The following LDLRAP1 variants were observed in gnomAD, a reference collection of about 807,000 sequenced individuals.
LDLRAP1 encodes the protein low density lipoprotein receptor adaptor protein 1.
A neutral mutation model predicts 37.8 loss-of-function variants in LDLRAP1; 30 were observed. The observed-to-expected ratio is 0.79, with a 90% CI of 0.59 to 1.08. LDLRAP1 has a LOEUF of 1.08. LDLRAP1 is among the 50% of genes least tolerant of loss of function. The pLI is 0.00. For synonymous variants in LDLRAP1, 156 were observed against 169.8 expected, an observed-to-expected ratio of 0.92 and a Z score of 0.63; for missense variants, 375 against 401.6, an observed-to-expected ratio of 0.93 and a Z score of 0.57.
chr1:25,554,188 C>T lies in LDLRAP1; in HGVS notation c.231+124C>T. On this transcript the variant is annotated intron_variant, in intron 2 of 8. Coordinates refer to ENST00000374338, the MANE Select transcript of LDLRAP1 (RefSeq NM_015627.3). The surrounding 1 kb of genome is among the most constrained non-coding windows in gnomAD (Gnocchi z 5.4). ...TCTGAGCCTGGCCCTGCCCTTCATT[C>T]TCCTTCCATCCAGCTTTTGGGCCTT... 1 of 1,223,744 alleles carries T rather than the reference C, an allele frequency of 8.2e-7. No homozygotes were observed. The allele number at this position is 1,223,744 out of a possible 1,614,324, so 75.8% of individuals were successfully genotyped here. A position where few individuals can be genotyped will look rare whatever the true frequency, so the allele number is the denominator to read the frequency against.
At chr1:25,573,509 A>G (rs1488385366), downstream of LDLRAP1, among the ~76,000 whole-genome samples, 7 of 152,274 alleles carry the variant, frequency 4.6e-5, no homozygotes, top group East Asian at 1.4e-3. Context: ...GTTTGCAGGC[A>G]TCAGCCCTTG....
chr1:25,589,550 G>A, the LDLRAP1 span, among the ~76,000 whole-genome samples: 1 of 152,152 alleles, frequency 6.6e-6, no homozygotes. Context: ...GCACCATCCA[G>A]TCTCTCACAG....
the LDLRAP1 span, among the ~76,000 whole-genome samples, chr1:25,585,634 G>GT: frequency 1.3e-5 from 2 of 152,310 alleles, no homozygotes; most frequent in East Asian, 3.9e-4. Flanking sequence ...GGAAGCTGGG[G>GT]TTTTAACCTG....
Position 25,563,758 on chromosome 1 carries a change from G to A in LDLRAP1, c.714G>A (p.Arg238=). The change falls in exon 7 of 9, where the codon CGG becomes CGA. Residue 238 remains arginine, a synonymous_variant. Transcript: ENST00000374338. ...ANTTNMDEVP[R]PQALSGSSVV... ...CCACCAACATGGACGAGGTGCCGCG[G>A]CCACAAGCCTTGAGTGGCAGCAGTG... 6.2e-7 allele frequency: 1 copy of A among 1,614,008 alleles called. No individual in the cohort carries two copies. The highest frequency in any genetic ancestry group is 8.5e-7 in the Non-Finnish European group (1 of 1,180,042).
In LDLRAP1 at chr1:25,543,727, C is replaced by G; in HGVS notation, c.29C>G (p.Ala10Gly). The change falls in exon 1 of 9, where the codon GCG becomes GGG. Residue 10 changes from alanine to glycine, a missense_variant. Transcript: ENST00000374338. Reference sequence around the variant, plus strand: ...GACGCGCTCAAGTCGGCGGGGCGGGCGCTGATCCGGAGCCCCAGCTTGGCC... The same window carrying G: ...GACGCGCTCAAGTCGGCGGGGCGGGGGCTGATCCGGAGCCCCAGCTTGGCC... MDALKSAGR[A>G]LIRSPSLAKQ... is the part of the protein sequence containing the mutation. 1 of 1,213,442 alleles carries G rather than the reference C, an allele frequency of 8.2e-7. No homozygotes were observed. Among genetic ancestry groups the G allele is most frequent in the Non-Finnish European group, 1.0e-6 (1 of 976,182 alleles). 75.2% of individuals were successfully genotyped at this position (1,213,442 alleles called of 1,614,324 possible). A position where few individuals can be genotyped will look rare whatever the true frequency, so the allele number is the denominator to read the frequency against.
In LDLRAP1 at chr1:25,546,847, C is replaced by T. The variant is rs80114114; in HGVS notation, c.88+3061C>T. Among the ~76,000 whole-genome samples, 108 of 151,926 alleles carry T rather than the reference C, an allele frequency of 7.1e-4. No homozygotes were observed. In the East Asian group the frequency reaches 0.017, roughly 24 times the overall value. On this transcript the variant is annotated intron_variant, in intron 1 of 8. Transcript: ENST00000374338. ...TTTTTTTGTGATTTTTTTTTAAGCT[C>T]ATCAGCTATCATTAGTATTAGTATA...
At chr1:25,564,121 C>A in intron 7 of LDLRAP1, 3 of 375,398 alleles carry the variant, frequency 8.0e-6, no homozygotes, top group Non-Finnish European at 1.5e-5. Context: ...TACCACCCCT[C>A]CCCCTCAGCC....
chr1:25,580,197 C>T, the LDLRAP1 span, among the ~76,000 whole-genome samples: 6 of 152,102 alleles, frequency 3.9e-5, no homozygotes, highest in African/African-American at 1.4e-4. Flanking sequence ...GAGTCGGTGT[C>T]ATGCCTGCTC....
the LDLRAP1 span, among the ~76,000 whole-genome samples, chr1:25,585,829 G>T: frequency 2.0e-5 from 3 of 152,210 alleles, no homozygotes; most frequent in African/African-American, 7.2e-5. Context: ...TGAGACAAAG[G>T]AGGCCTGATT....
rs1272027302 is a variant in LDLRAP1 at position 25,567,283 on chromosome 1, G to A, written c.*291G>A. ...CCTGCTGCGTGACATGTGCAGTGCT[G>A]TAATCGGCTCCCGCTTGCTCTCCTG... On this transcript the variant is annotated 3_prime_UTR_variant, in exon 9 of 9. Transcript: ENST00000374338. The A allele has an allele frequency of 4.2e-6, 2 of 477,130 alleles. No individual in the cohort carries two copies. Among genetic ancestry groups the A allele is most frequent in the South Asian group, 2.0e-5 (1 of 49,126 alleles). 29.6% of individuals were successfully genotyped at this position (477,130 alleles called of 1,614,324 possible).
chr1:25,562,988 C>T (rs898715799), intron 5 of LDLRAP1, 82 bp from the exon 6 acceptor site: 11 of 1,381,660 alleles, frequency 8.0e-6, no homozygotes, highest in African/African-American at 4.3e-5. Flanking sequence ...GGTTGGCCAC[C>T]GCTAATCACC....
chr1:25,545,811 G>A lies in LDLRAP1; in HGVS notation c.88+2025G>A, dbSNP rs541319308. Among the ~76,000 whole-genome samples, 441 of 152,296 alleles carry A rather than the reference G, an allele frequency of 2.9e-3. 3 individuals carry two copies. The highest frequency in any genetic ancestry group is 0.01 in the African/African-American group (422 of 41,576). ...GTTTGTGGGGATCAAGTGGAATTGC[G>A]TTTGCCTGGCATAGAGGAGGAGTTT... On this transcript the variant is annotated intron_variant, in intron 1 of 8. Transcript: ENST00000374338.
the LDLRAP1 span, among the ~76,000 whole-genome samples, chr1:25,579,860 T>C: frequency 6.6e-6 from 1 of 152,194 alleles, no homozygotes; most frequent in Non-Finnish European, 1.5e-5. Flanking sequence ...AACTGGATTT[T>C]CCCTTCCTTC....
chr1:25,547,121 G>A (rs2043953594), intron 1 of LDLRAP1, among the ~76,000 whole-genome samples: 1 of 152,178 alleles, frequency 6.6e-6, no homozygotes, highest in African/African-American at 2.4e-5. Flanking sequence ...ATTTATTTGG[G>A]ACAAGATGGC....
rs778444752 is a variant in LDLRAP1 at position 25,554,958 on chromosome 1, C to T, written c.330C>T (p.Asn110=). The change falls in exon 3 of 9, where the codon AAC becomes AAT. Residue 110 remains asparagine (N), a synonymous_variant. Transcript: ENST00000374338. The surrounding 1 kb of genome is among the most constrained non-coding windows in gnomAD (Gnocchi z 5.4). The part of the protein sequence containing the change: ...TDNLTNQLIE[N]VSIYRISYCT... ...ACCTCACCAACCAGCTCATTGAGAA[C>T]GTGTCCATATACAGGTACGCTCAGC... 1.5e-5 allele frequency: 24 copies of T among 1,613,726 alleles called. 1 individual carries two copies. In the Admixed American group the frequency reaches 3.5e-4, roughly 24 times the overall value.
intron 1 of LDLRAP1, 38 bp downstream of exon 1, chr1:25,543,824 G>T: frequency 8.5e-7 from 1 of 1,182,396 alleles, no homozygotes; most frequent in South Asian, 4.2e-5. Context: ...GGCCGGGATC[G>T]GGCAGAGGCG....
Position 25,543,744 on chromosome 1 carries a change from A to T in LDLRAP1, c.46A>T (p.Ser16Cys). The T allele has an allele frequency of 8.3e-7, 1 of 1,211,890 alleles. No homozygotes were observed. 75.1% of individuals were successfully genotyped at this position (1,211,890 alleles called of 1,614,324 possible). A position where few individuals can be genotyped will look rare whatever the true frequency, so the allele number is the denominator to read the frequency against. ...SAGRALIRSP[S>C]LAKQSWGGGG... ...GGGGCGGGCGCTGATCCGGAGCCCC[A>T]GCTTGGCCAAGCAGAGCTGGGGGGG... Residue 16 changes from serine to cysteine, a missense_variant, in exon 1 of 9, where the codon AGC becomes TGC. Coordinates refer to ENST00000374338, the MANE Select transcript of LDLRAP1 (RefSeq NM_015627.3).
At chr1:25,563,197 G>T in intron 6 of LDLRAP1, 44 bp downstream of exon 6, 1 of 1,566,148 alleles carries the variant, frequency 6.4e-7, no homozygotes, top group African/African-American at 1.3e-5. Flanking sequence ...CGGTGTTGGG[G>T]TTGCGCTTCA....
the LDLRAP1 span, among the ~76,000 whole-genome samples, chr1:25,587,824 A>T: frequency 5.0e-4 from 76 of 152,022 alleles, no homozygotes; most frequent in Admixed American, 9.2e-4. Context: ...CATATCAGTA[A>T]CCTTATTTTG....
Sources: gnomAD v4.1 joint callset for allele counts (sites outside exome capture counted in the v4.1 genomes callset) on GRCh38, gnomAD v4.1.1 for gene constraint, Gnocchi (gnomAD v3.1) non-coding constraint, MANE v1.5 for transcripts, NCBI Gene and HGNC (gene_info 2026-07-23, HGNC 2026-07-21) for gene names.